The following RHBDL3 variants were observed in gnomAD, a reference collection of about 807,000 sequenced individuals.
The protein encoded by RHBDL3 is rhomboid-related protein 3.
RHBDL3 carries 28 observed loss-of-function variants against 48.2 expected under a neutral mutation model. That is an observed-to-expected ratio of 0.58 (90% CI 0.43 to 0.80). RHBDL3 has a LOEUF of 0.80. Among genes scored for constraint, RHBDL3 ranks in the 30% least tolerant of loss-of-function variants. The probability of loss-of-function intolerance (pLI) is 0.00; values close to 1 mark genes in which losing one functional copy is unlikely to be tolerated. For missense variants in RHBDL3, 464 were observed against 542.7 expected, an observed-to-expected ratio of 0.85 and a Z score of 1.44; for synonymous variants, 208 against 232.3, an observed-to-expected ratio of 0.90 and a Z score of 0.95.
chr17:32,267,427 T>C, intron 1 of RHBDL3, among the ~76,000 whole-genome samples: 1 of 129,430 alleles, frequency 7.7e-6, no homozygotes, highest in African/African-American at 3.7e-5. Context: ...AGGTGAGTTC[T>C]CCTGGGGGGG....
chr17:32,301,459 T>C (rs1164943936), intron 6 of RHBDL3, among the ~76,000 whole-genome samples: 1 of 151,136 alleles, frequency 6.6e-6, no homozygotes, highest in East Asian at 2.0e-4. Flanking sequence ...TATAGATTAC[T>C]AACCACGTGT....
Position 32,316,308 on chromosome 17 carries a change from G to C in RHBDL3, c.943+16G>C, listed in dbSNP as rs1358393206. The C allele has an allele frequency of 3.1e-6, 5 of 1,607,184 alleles. No individual in the cohort carries two copies. Among genetic ancestry groups the C allele is most frequent in the Non-Finnish European group, 4.3e-6 (5 of 1,174,096 alleles). On this transcript the variant is annotated intron_variant, in intron 8 of 8. Transcript: ENST00000269051. Reference sequence around the variant, plus strand: ...CTTATCTGTAGTAAGTACTGATGGGGCGCTGGGGAACCAAAGCCTGGCACC... The same window carrying C: ...CTTATCTGTAGTAAGTACTGATGGGCCGCTGGGGAACCAAAGCCTGGCACC...
chr17:32,303,461 G>A (rs1046531242), intron 6 of RHBDL3, among the ~76,000 whole-genome samples: 5 of 152,148 alleles, frequency 3.3e-5, no homozygotes, highest in African/African-American at 1.2e-4. Context: ...TGCCACCCTG[G>A]GATTTTTCTT....
intron 7 of RHBDL3, among the ~76,000 whole-genome samples, chr17:32,310,000 C>G (rs897683169): frequency 3.3e-5 from 5 of 151,866 alleles, no homozygotes; most frequent in Admixed American, 3.3e-4. Flanking sequence ...CCACCCACCT[C>G]AGCCTCCCAA....
intron 3 of RHBDL3, among the ~76,000 whole-genome samples, chr17:32,286,294 T>A (rs1244666737): frequency 6.6e-6 from 1 of 152,212 alleles, no homozygotes; most frequent in African/African-American, 2.4e-5. Flanking sequence ...CTGTGTGAGC[T>A]CAGGACAGCA....
Position 32,323,592 on chromosome 17 carries a change from G to A in RHBDL3, c.*2363G>A, listed in dbSNP as rs908857875. On this transcript the variant is annotated 3_prime_UTR_variant, in exon 9 of 9. Transcript: ENST00000269051. ...GGCTTCCTCTCTTAGGGGTGAGAAA[G>A]CATTGAACTAGAAGATTCTAGAAAT... The A allele has an allele frequency of 2.0e-5, 3 of 152,118 alleles. No homozygotes were observed. The highest frequency in any genetic ancestry group is 1.3e-4 in the Admixed American group (2 of 15,282). The allele number at this position is 152,118 out of a possible 1,614,324, so 9.4% of individuals were successfully genotyped here. A position where few individuals can be genotyped will look rare whatever the true frequency, so the allele number is the denominator to read the frequency against.
intron 2 of RHBDL3, among the ~76,000 whole-genome samples, chr17:32,277,608 C>T (rs996150055): frequency 6.6e-6 from 1 of 152,232 alleles, no homozygotes; most frequent in Admixed American, 6.5e-5. Flanking sequence ...CTGGAGCCCA[C>T]AGACTTCTAG....
At chr17:32,286,783 A>G (rs779249359) in intron 3 of RHBDL3, among the ~76,000 whole-genome samples, 10 of 152,120 alleles carry the variant, frequency 6.6e-5, no homozygotes, top group Admixed American at 1.3e-4. Flanking sequence ...GTCGTGTATG[A>G]GTGTGCAGGT....
At chr17:32,307,634 A>G (rs189804883) in intron 7 of RHBDL3, among the ~76,000 whole-genome samples, 5 of 152,290 alleles carry the variant, frequency 3.3e-5, no homozygotes, top group Middle Eastern at 3.4e-3. Flanking sequence ...GTGCTCAGAG[A>G]GAGGCTGCGG....
intron 2 of RHBDL3, among the ~76,000 whole-genome samples, chr17:32,275,673 T>G (rs576765535): frequency 1.3e-5 from 2 of 152,310 alleles, no homozygotes; most frequent in South Asian, 4.1e-4. Context: ...CTCTCCCTAA[T>G]CAGCCTGGCT....
chr17:32,272,939 G>A (rs573290223), intron 2 of RHBDL3, among the ~76,000 whole-genome samples: 79 of 152,320 alleles, frequency 5.2e-4, no homozygotes, highest in Non-Finnish European at 8.5e-4. Flanking sequence ...CCACCTCAAG[G>A]AATATAGGTT....
chr17:32,315,728 A>G (rs892991585), intron 7 of RHBDL3, among the ~76,000 whole-genome samples: 20 of 151,802 alleles, frequency 1.3e-4, no homozygotes, highest in Admixed American at 1.3e-4. Flanking sequence ...GTTACACTGA[A>G]TTGAATGTGC....
chr17:32,280,796 G>A (rs1364379700), intron 2 of RHBDL3: 1 of 152,288 alleles, frequency 6.6e-6, no homozygotes, highest in Non-Finnish European at 1.5e-5. Context: ...GGGGCAATGG[G>A]ATGCACCTCT....
chr17:32,315,075 T>C (rs2040939242), intron 7 of RHBDL3, among the ~76,000 whole-genome samples: 1 of 152,250 alleles, frequency 6.6e-6, no homozygotes, highest in Non-Finnish European at 1.5e-5. Context: ...TGGCATGTGC[T>C]CTGTGTCCTG....
chr17:32,309,422 C>T (rs971771768), intron 7 of RHBDL3, among the ~76,000 whole-genome samples: 2 of 151,918 alleles, frequency 1.3e-5, no homozygotes, highest in African/African-American at 2.4e-5. Flanking sequence ...TGTGGTGGTG[C>T]ATACCTGTAA....
rs148997345 is a variant in RHBDL3 at position 32,302,398 on chromosome 17, C to G, written c.782-2943C>G. ...TTGAGACGAAGTCTTGCTCTGTCAT[C>G]CAGGCTGGAGTGTAGTGGCACGATC... On this transcript the variant is annotated intron_variant, in intron 6 of 8. Coordinates refer to ENST00000269051, the MANE Select transcript of RHBDL3 (RefSeq NM_138328.3). Among the ~76,000 whole-genome samples, 629 of 152,116 alleles carry G rather than the reference C, an allele frequency of 4.1e-3. 6 individuals are homozygous for G. The highest frequency in any genetic ancestry group is 0.014 in the African/African-American group (592 of 41,492).
chr17:32,282,442 CTG>C, intron 2 of RHBDL3, among the ~76,000 whole-genome samples: 1 of 152,262 alleles, frequency 6.6e-6, no homozygotes, highest in East Asian at 1.9e-4. Context: ...TGGCACACAA[CTG>C]TGGTCCCAGC....
intron 2 of RHBDL3, among the ~76,000 whole-genome samples, chr17:32,281,463 G>C (rs1174932274): frequency 6.6e-6 from 1 of 152,110 alleles, no homozygotes; most frequent in Admixed American, 6.5e-5. Context: ...TGCACAAGCT[G>C]TGCCGCAGAC....
intron 5 of RHBDL3, among the ~76,000 whole-genome samples, chr17:32,296,847 T>A (rs2150728735): frequency 6.6e-6 from 1 of 151,332 alleles, no homozygotes; most frequent in South Asian, 2.1e-4. Context: ...GGAATCTCGC[T>A]CTTTTGCCCA....
Sources: allele counts gnomAD v4.1 joint callset (sites outside exome capture counted in the v4.1 genomes callset), GRCh38; gene constraint gnomAD v4.1.1; transcripts MANE v1.5; gene names NCBI Gene and HGNC (gene_info 2026-07-23, HGNC 2026-07-21).